DTNA: variants seen among roughly 807,000 people sequenced by gnomAD.
The protein encoded by DTNA is dystrophin-related protein 3.
Under a neutral mutation model 100.7 loss-of-function variants are expected in DTNA, and 43 were observed. The observed-to-expected ratio is 0.43, with a 90% CI of 0.33 to 0.55. DTNA has a LOEUF of 0.55. Among genes scored for constraint, DTNA ranks in the 20% least tolerant of loss-of-function variants. The pLI is 0.04. For missense variants in DTNA, 798 were observed against 953.9 expected, an observed-to-expected ratio of 0.84 and a Z score of 2.15; for synonymous variants, 349 against 347.9, an observed-to-expected ratio of 1.00 and a Z score of -0.04.
intron 1 of DTNA, among the ~76,000 whole-genome samples, chr18:34,576,261 G>T (rs183947109): frequency 6.6e-6 from 1 of 152,250 alleles, no homozygotes; most frequent in East Asian, 1.9e-4. Context: ...AACTGCCTCT[G>T]ATTGAGAATG....
chr18:34,530,152 G>T (rs558208279), intron 1 of DTNA, among the ~76,000 whole-genome samples: 1 of 152,078 alleles, frequency 6.6e-6, no homozygotes, highest in Non-Finnish European at 1.5e-5. Flanking sequence ...TGGTCAGGCA[G>T]CCCACTGTCT....
chr18:34,623,925 C>T (rs192387680), intron 1 of DTNA, among the ~76,000 whole-genome samples: 9 of 152,266 alleles, frequency 5.9e-5, no homozygotes, highest in East Asian at 5.8e-4. Flanking sequence ...ACAGATGTGG[C>T]GCTTTCATAA....
chr18:34,665,402 T>C (rs919391300), intron 1 of DTNA, among the ~76,000 whole-genome samples: 1 of 152,106 alleles, frequency 6.6e-6, no homozygotes, highest in Non-Finnish European at 1.5e-5. Flanking sequence ...GTTTAATGCA[T>C]ATTAGAGAAG....
At chr18:34,645,858 T>G (rs1208395116) in intron 1 of DTNA, among the ~76,000 whole-genome samples, 1 of 152,168 alleles carries the variant, frequency 6.6e-6, no homozygotes, top group East Asian at 1.9e-4. Context: ...AACCATTTTT[T>G]GAAAAAATTG....
chr18:34,829,829 A>C (rs1325917582), intron 11 of DTNA, among the ~76,000 whole-genome samples: 1 of 152,222 alleles, frequency 6.6e-6, no homozygotes, highest in Non-Finnish European at 1.5e-5. Context: ...TCTTGAATTA[A>C]GGAGTCTGTT....
At chr18:34,884,860 T>A in intron 22 of DTNA, 84 bp downstream of exon 22, 1 of 1,456,248 alleles carries the variant, frequency 6.9e-7, no homozygotes, top group Non-Finnish European at 9.6e-7. Context: ...CAATCACTTC[T>A]CTTAGTCATT....
intron 1 of DTNA, among the ~76,000 whole-genome samples, chr18:34,665,664 A>G (rs918554925): frequency 2.6e-5 from 4 of 152,134 alleles, no homozygotes; most frequent in Non-Finnish European, 5.9e-5. Context: ...ATGAGTGAGA[A>G]CATGCAGTGT....
intron 1 of DTNA, among the ~76,000 whole-genome samples, chr18:34,621,558 G>A (rs1361704482): frequency 1.3e-5 from 2 of 152,194 alleles, no homozygotes; most frequent in East Asian, 3.9e-4. Context: ...ATCATGTTAA[G>A]TGAAATAAGC....
At chr18:34,667,481 A>G (rs2076100895) in intron 1 of DTNA, among the ~76,000 whole-genome samples, 1 of 152,202 alleles carries the variant, frequency 6.6e-6, no homozygotes. Flanking sequence ...GTGGTGAGAG[A>G]GGGCATCCCT....
At position 34,521,767 on chromosome 18, in the gene DTNA, C is replaced by T. The variant is rs976918911; in HGVS notation, c.-2+28253C>T. 5.3e-5 allele frequency among the ~76,000 whole-genome samples: 8 copies of T among 152,194 alleles called. No individual in the cohort carries two copies. The East Asian group carries it at 1.5e-3, about 29-fold the overall frequency. On this transcript the variant is annotated intron_variant, in intron 1 of 19. Transcript: ENST00000283365. ...TCTGTTCACATATCCTCAGTGACGA[C>T]TTCTCTACCATTCTGCCTAGTAGAG...
intron 1 of DTNA, among the ~76,000 whole-genome samples, chr18:34,653,499 A>G (rs1193413851): frequency 6.6e-6 from 1 of 152,108 alleles, no homozygotes; most frequent in Non-Finnish European, 1.5e-5. Context: ...CAAGAAAAAA[A>G]AAACACTTAA....
At chr18:34,659,648 A>ACACACACACT (rs1269992787) in intron 1 of DTNA, among the ~76,000 whole-genome samples, 6 of 151,830 alleles carry the variant, frequency 4.0e-5, no homozygotes, top group Admixed American at 3.9e-4. Flanking sequence ...ACACACACAC[A>ACACACACACT]CACACACACT....
At chr18:34,658,474 T>C (rs2074709379) in intron 1 of DTNA, among the ~76,000 whole-genome samples, 3 of 152,164 alleles carry the variant, frequency 2.0e-5, no homozygotes, top group Admixed American at 2.0e-4. Flanking sequence ...TACCTCAGCC[T>C]CCCGAGTTGC....
chr18:34,553,200 C>G (rs2145988700), intron 1 of DTNA, among the ~76,000 whole-genome samples: 1 of 151,910 alleles, frequency 6.6e-6, no homozygotes, highest in Admixed American at 6.5e-5. Flanking sequence ...CTGTTCATGT[C>G]TTTTGCCCAC....
intron 1 of DTNA, among the ~76,000 whole-genome samples, chr18:34,631,816 C>T (rs575338131): frequency 6.6e-6 from 1 of 152,176 alleles, no homozygotes; most frequent in South Asian, 2.1e-4. Flanking sequence ...ACTTGTTCAT[C>T]ACCCAAGAGT....
At chr18:34,597,100 G>C (rs919907953) in intron 1 of DTNA, among the ~76,000 whole-genome samples, 2 of 152,092 alleles carry the variant, frequency 1.3e-5, no homozygotes, top group Non-Finnish European at 2.9e-5. Flanking sequence ...AGAACGTGTG[G>C]TGTTCGGTTT....
intron 11 of DTNA, 97 bp downstream of exon 11, chr18:34,829,586 G>A (rs888305711): frequency 4.0e-6 from 5 of 1,262,012 alleles, no homozygotes; most frequent in South Asian, 1.8e-5. Flanking sequence ...CTCATAGTAC[G>A]TCTTATTGGA....
chr18:34,764,219 G>A (rs2093351098), intron 2 of DTNA, among the ~76,000 whole-genome samples: 1 of 31,608 alleles, frequency 3.2e-5, no homozygotes, highest in African/African-American at 1.0e-4. Context: ...CAGTGCAGAA[G>A]TCAAGACTTT....
intron 1 of DTNA, among the ~76,000 whole-genome samples, chr18:34,682,603 T>A (rs2078284042): frequency 6.6e-6 from 1 of 152,184 alleles, no homozygotes; most frequent in South Asian, 2.1e-4. Flanking sequence ...AGCAGTTCCC[T>A]AATGATGTTG....
Sources: gnomAD v4.1 joint callset for allele counts (sites outside exome capture counted in the v4.1 genomes callset) on GRCh38, gnomAD v4.1.1 for gene constraint, MANE v1.5 for transcripts, NCBI Gene and HGNC (gene_info 2026-07-23, HGNC 2026-07-21) for gene names.